SLC24A3: variants seen among roughly 807,000 people sequenced by gnomAD.
The protein encoded by SLC24A3 is sodium/potassium/calcium exchanger 3.
A neutral mutation model predicts 75.8 loss-of-function variants in SLC24A3; 28 were observed. That is an observed-to-expected ratio of 0.37 (90% CI 0.27 to 0.51). The LOEUF (loss-of-function observed/expected upper bound fraction) is 0.51. SLC24A3 is among the 20% of genes least tolerant of loss of function. The probability of loss-of-function intolerance (pLI) is 0.94; values close to 1 mark genes in which losing one functional copy is unlikely to be tolerated. For missense variants in SLC24A3, 663 were observed against 847.8 expected, an observed-to-expected ratio of 0.78 and a Z score of 2.71; for synonymous variants, 372 against 334.1, an observed-to-expected ratio of 1.11 and a Z score of -1.24.
intron 7 of SLC24A3, among the ~76,000 whole-genome samples, chr20:19,660,850 C>A (rs2032318870): frequency 6.6e-6 from 1 of 152,114 alleles, no homozygotes; most frequent in Non-Finnish European, 1.5e-5. Context: ...GCAAGAAGAT[C>A]CTCACCGAGA....
At chr20:19,467,436 T>C (rs367864663) in intron 2 of SLC24A3, among the ~76,000 whole-genome samples, 7 of 152,202 alleles carry the variant, frequency 4.6e-5, no homozygotes, top group East Asian at 3.9e-4. Context: ...TGTACAGTCA[T>C]CTAAATTATC....
chr20:19,450,493 G>A (rs542071621), intron 2 of SLC24A3, among the ~76,000 whole-genome samples: 27 of 152,194 alleles, frequency 1.8e-4, no homozygotes, highest in African/African-American at 5.8e-4. Context: ...TCTGTGCAAC[G>A]TCACGTGTCA....
At chr20:19,515,642 C>CACA in intron 3 of SLC24A3, 78 bp downstream of exon 3, 3 of 1,434,592 alleles carry the variant, frequency 2.1e-6, no homozygotes, top group Non-Finnish European at 2.9e-6. Flanking sequence ...CCTGAGGTGC[C>CACA]CCCAGTAGAT....
At chr20:19,599,592 A>C (rs1290249062) in intron 6 of SLC24A3, among the ~76,000 whole-genome samples, 7 of 152,206 alleles carry the variant, frequency 4.6e-5, no homozygotes, top group African/African-American at 1.7e-4. Flanking sequence ...CTCATCTCTG[A>C]GTGGAACACA....
chr20:19,613,594 G>T (rs777722270), intron 6 of SLC24A3, among the ~76,000 whole-genome samples: 9 of 152,114 alleles, frequency 5.9e-5, no homozygotes, highest in African/African-American at 9.7e-5. Context: ...ATTCCTGGGC[G>T]TCACTTCCAC....
chr20:19,635,956 C>T (rs938632227), intron 6 of SLC24A3, among the ~76,000 whole-genome samples: 21 of 152,166 alleles, frequency 1.4e-4, no homozygotes, highest in African/African-American at 4.1e-4. Flanking sequence ...CTGGCTAACA[C>T]GGTGAAACCC....
chr20:19,278,744 A>C (rs931150695), intron 1 of SLC24A3, among the ~76,000 whole-genome samples: 8 of 152,176 alleles, frequency 5.3e-5, no homozygotes, highest in African/African-American at 1.9e-4. Flanking sequence ...GTTTCTTTTC[A>C]TTAGACTCCA....
chr20:19,584,104 T>C (rs1159697848), intron 4 of SLC24A3, among the ~76,000 whole-genome samples: 2 of 152,232 alleles, frequency 1.3e-5, no homozygotes, highest in Non-Finnish European at 2.9e-5. Flanking sequence ...AGCAGCATAC[T>C]TTCTGGGTCA....
At chr20:19,386,656 A>G (rs996502204) in intron 2 of SLC24A3, among the ~76,000 whole-genome samples, 3 of 152,178 alleles carry the variant, frequency 2.0e-5, no homozygotes, top group Non-Finnish European at 4.4e-5. Context: ...GCTTTTTGGC[A>G]TCTATTGAGA....
At chr20:19,320,227 A>T (rs1410887318) in intron 2 of SLC24A3, among the ~76,000 whole-genome samples, 1 of 152,118 alleles carries the variant, frequency 6.6e-6, no homozygotes, top group Non-Finnish European at 1.5e-5. Flanking sequence ...TGTCATTTGG[A>T]GAAGTGGTGT....
intron 2 of SLC24A3, among the ~76,000 whole-genome samples, chr20:19,282,974 G>A (rs1032096286): frequency 7.9e-5 from 12 of 152,302 alleles, no homozygotes; most frequent in Middle Eastern, 3.4e-3. Context: ...TAAAAAGAAC[G>A]TGAACCCGGG....
At chr20:19,436,945 G>T (rs1046418593) in intron 2 of SLC24A3, among the ~76,000 whole-genome samples, 19 of 152,174 alleles carry the variant, frequency 1.2e-4, no homozygotes, top group African/African-American at 3.9e-4. Flanking sequence ...AAAGCTAGAA[G>T]GGCAGTGGGG....
intron 6 of SLC24A3, among the ~76,000 whole-genome samples, chr20:19,650,691 GT>G (rs1301463740): frequency 1.3e-5 from 2 of 151,888 alleles, no homozygotes; most frequent in African/African-American, 4.8e-5. Flanking sequence ...TATAAGTTTG[GT>G]TAGACAATAT....
chr20:19,275,290 C>T (rs1983449597), intron 1 of SLC24A3, among the ~76,000 whole-genome samples: 1 of 152,214 alleles, frequency 6.6e-6, no homozygotes, highest in African/African-American at 2.4e-5. Context: ...TGCTTACCTG[C>T]ATCAGCATTC....
intron 6 of SLC24A3, among the ~76,000 whole-genome samples, chr20:19,597,254 G>A (rs1001327600): frequency 2.6e-5 from 4 of 152,068 alleles, no homozygotes; most frequent in Non-Finnish European, 1.5e-5. Flanking sequence ...AGGTGTGGTA[G>A]TTCACACCTA....
At chr20:19,531,222 A>T (rs765210414) in intron 3 of SLC24A3, among the ~76,000 whole-genome samples, 24 of 152,212 alleles carry the variant, frequency 1.6e-4, no homozygotes, top group Non-Finnish European at 3.4e-4. Context: ...TTCAGTCACA[A>T]ATGGACCCAG....
rs34771093 is a variant in SLC24A3, at chr20:19,406,213, CGTGT to C, written c.272-109263_272-109260del. Among the ~76,000 whole-genome samples the C allele has an allele frequency of 4.1e-5, 6 of 145,964 alleles. No individual in the cohort carries two copies. The South Asian group carries it at 6.6e-4, about 16-fold the overall frequency. ...GTGTGTGTGTGTGTGTGTGTGCGTG[CGTGT>C]GTGTGTGTGTGAGAGAGAGAGAAAG... is the stretch of plus-strand genomic sequence containing the variant. On this transcript the variant is annotated intron_variant, in intron 2 of 16. Coordinates refer to ENST00000328041, the MANE Select transcript of SLC24A3 (RefSeq NM_020689.4).
intron 1 of SLC24A3, among the ~76,000 whole-genome samples, chr20:19,278,591 G>T (rs1983559190): frequency 1.3e-5 from 2 of 152,208 alleles, no homozygotes; most frequent in South Asian, 4.1e-4. Context: ...TTAACCATTA[G>T]AATCCACCAT....
intron 2 of SLC24A3, among the ~76,000 whole-genome samples, chr20:19,315,193 G>A (rs983051145): frequency 1.3e-5 from 2 of 152,186 alleles, no homozygotes; most frequent in African/African-American, 4.8e-5. Context: ...CACAGGGTAG[G>A]TTGGTTTCCT....
Sources: gnomAD v4.1 joint callset for allele counts (sites outside exome capture counted in the v4.1 genomes callset) on GRCh38, gnomAD v4.1.1 for gene constraint, MANE v1.5 for transcripts, NCBI Gene and HGNC (gene_info 2026-07-23, HGNC 2026-07-21) for gene names.